The following PACSIN1 variants were observed in gnomAD, a reference collection of about 807,000 sequenced individuals.
PACSIN1 encodes protein kinase C and casein kinase substrate in neurons 1.
PACSIN1 carries 15 observed loss-of-function variants against 59.5 expected under a neutral mutation model. The observed-to-expected ratio is 0.25, with a 90% CI of 0.17 to 0.39. The LOEUF (loss-of-function observed/expected upper bound fraction) is 0.39. PACSIN1 is among the 10% of genes least tolerant of loss of function. PACSIN1 has a pLI of 1.00. For missense variants in PACSIN1, 420 were observed against 580.2 expected (o/e 0.72, Z 2.84); for synonymous variants, 210 against 220.6 (o/e 0.95, Z 0.42).
chr6:34,511,139 G>A (rs949094069), intron 1 of PACSIN1, among the ~76,000 whole-genome samples: 8 of 152,236 alleles, frequency 5.3e-5, no homozygotes, highest in African/African-American at 2.4e-5. Context: ...CCCTAGAGCA[G>A]TGCTGCACAT....
rs80231488 is a variant in PACSIN1, at chr6:34,516,129, T to C, written c.-63-10114T>C. Among the ~76,000 whole-genome samples the C allele has an allele frequency of 1.3e-5, 2 of 152,188 alleles. No homozygotes were observed. The highest frequency in any genetic ancestry group is 3.9e-4 in the East Asian group (2 of 5,172). ...AGGTCCTGCCCTTCTCCACCTGCTT[T>C]CTCTCCCGCACCCCCTGAGAGCCCA... is the stretch of plus-strand genomic sequence containing the variant. On this transcript the variant is annotated intron_variant, in intron 1 of 9. Coordinates refer to ENST00000244458, the MANE Select transcript of PACSIN1 (RefSeq NM_020804.5). The surrounding 1 kb of genome is among the most constrained non-coding windows in gnomAD (Gnocchi z 5.4).
At chr6:34,517,200 G>A (rs1193310010) in intron 1 of PACSIN1, among the ~76,000 whole-genome samples, 1 of 152,262 alleles carries the variant, frequency 6.6e-6, no homozygotes, top group East Asian at 1.9e-4. Context: ...GGCAGATCCT[G>A]TTGGCTGGAA....
intron 1 of PACSIN1, among the ~76,000 whole-genome samples, chr6:34,467,891 T>G (rs1766520121): frequency 6.6e-6 from 1 of 152,178 alleles, no homozygotes; most frequent in East Asian, 1.9e-4. Context: ...GATGGGCAGC[T>G]ATGCCTTTTG....
intron 1 of PACSIN1, among the ~76,000 whole-genome samples, chr6:34,489,975 G>C (rs928873389): frequency 7.2e-5 from 11 of 152,168 alleles, no homozygotes; most frequent in African/African-American, 2.7e-4. Context: ...AGTTGGATCT[G>C]AAACCTTACT....
chr6:34,466,590 G>A (rs1402463601), intron 1 of PACSIN1, among the ~76,000 whole-genome samples: 1 of 152,220 alleles, frequency 6.6e-6, no homozygotes, highest in East Asian at 1.9e-4. Context: ...GGCCCGGGCG[G>A]TCCGGGTCTC....
intron 1 of PACSIN1, among the ~76,000 whole-genome samples, chr6:34,482,720 C>T (rs1210490174): frequency 9.9e-5 from 15 of 150,792 alleles, no homozygotes; most frequent in African/African-American, 3.7e-4. Context: ...CACTCTGTTG[C>T]CCAGGCTGGA....
At chr6:34,499,121 T>C (rs1056816046) in intron 1 of PACSIN1, among the ~76,000 whole-genome samples, 1 of 152,088 alleles carries the variant, frequency 6.6e-6, no homozygotes, top group Non-Finnish European at 1.5e-5. Context: ...GAGCTTTTCC[T>C]ACAACTAGAC....
At chr6:34,490,070 CTT>C (rs1161999485) in intron 1 of PACSIN1, among the ~76,000 whole-genome samples, 1 of 144,538 alleles carries the variant, frequency 6.9e-6, no homozygotes, top group Non-Finnish European at 1.6e-5. Flanking sequence ...GATGTTCTCT[CTT>C]GTTTTTTTTT....
At chr6:34,468,277 C>T (rs895895307) in intron 1 of PACSIN1, among the ~76,000 whole-genome samples, 2 of 152,222 alleles carry the variant, frequency 1.3e-5, no homozygotes, top group South Asian at 2.1e-4. Flanking sequence ...TGAAGGACAT[C>T]AAGATTTCCA....
Position 34,522,801 on chromosome 6 carries a change from C to T in PACSIN1, c.-63-3442C>T, listed in dbSNP as rs562891092. ...TCAGGGGCTGCTCATGCAAAGTCCC[C>T]GAGTCCAAAGGCCACAGAACCTGGA... On this transcript the variant is annotated intron_variant, in intron 1 of 9. Coordinates refer to ENST00000244458, the MANE Select transcript of PACSIN1 (RefSeq NM_020804.5). Among the ~76,000 whole-genome samples, 40 of 152,298 alleles carry T rather than the reference C, an allele frequency of 2.6e-4. 1 individual carries two copies. Among genetic ancestry groups the T allele is most frequent in the African/African-American group, 7.5e-4 (31 of 41,570 alleles).
chr6:34,522,257 A>G (rs1767406760), intron 1 of PACSIN1, among the ~76,000 whole-genome samples: 1 of 152,236 alleles, frequency 6.6e-6, no homozygotes, highest in Admixed American at 6.5e-5. Flanking sequence ...ACTGTCTCAA[A>G]GGCCATGCGT....
At chr6:34,473,547 G>C (rs1766600442) in intron 1 of PACSIN1, among the ~76,000 whole-genome samples, 1 of 152,084 alleles carries the variant, frequency 6.6e-6, no homozygotes, top group Admixed American at 6.6e-5. Flanking sequence ...TGGGTTCCCG[G>C]GGTCTAGCCT....
intron 1 of PACSIN1, among the ~76,000 whole-genome samples, chr6:34,502,087 A>T (rs966651234): frequency 5.3e-5 from 8 of 150,654 alleles, no homozygotes; most frequent in African/African-American, 2.0e-4. Flanking sequence ...ACTTGCTGGG[A>T]TGGAGAAGTA....
chr6:34,495,941 G>T (rs1766941142), intron 1 of PACSIN1, among the ~76,000 whole-genome samples: 1 of 152,150 alleles, frequency 6.6e-6, no homozygotes, highest in South Asian at 2.1e-4. Context: ...GAGGTGTTAA[G>T]GTCTAACTCC....
intron 1 of PACSIN1, among the ~76,000 whole-genome samples, chr6:34,493,424 A>C (rs1331392283): frequency 6.6e-6 from 1 of 152,100 alleles, no homozygotes; most frequent in Non-Finnish European, 1.5e-5. Flanking sequence ...CTGCATGTAA[A>C]CCCAACGGTG....
intron 1 of PACSIN1, among the ~76,000 whole-genome samples, chr6:34,471,430 A>G (rs1258547245): frequency 6.6e-6 from 1 of 152,188 alleles, no homozygotes; most frequent in East Asian, 1.9e-4. Flanking sequence ...CAAATTTCCC[A>G]TCTGTTAACT....
chr6:34,534,687 G>A lies in PACSIN1; in HGVS notation c.*2157G>A, dbSNP rs1309140896. 1 of 152,740 alleles carries A rather than the reference G, an allele frequency of 6.5e-6. No homozygotes were observed. Among genetic ancestry groups the A allele is most frequent in the Non-Finnish European group, 1.5e-5 (1 of 68,140 alleles). 9.5% of individuals were successfully genotyped at this position (152,740 alleles called of 1,614,324 possible). ...ACTCTAGCTGCCCACTCCAGGGCAG[G>A]GACTCGAAACCCCCTCCGTCCTGAG... On this transcript the variant is annotated 3_prime_UTR_variant, in exon 10 of 10. Coordinates refer to ENST00000244458, the MANE Select transcript of PACSIN1 (RefSeq NM_020804.5).
intron 1 of PACSIN1, among the ~76,000 whole-genome samples, chr6:34,517,404 C>A (rs1325413101): frequency 1.3e-5 from 2 of 152,188 alleles, no homozygotes; most frequent in Non-Finnish European, 1.5e-5. Context: ...TCACATCCCA[C>A]CTCTTCCCAA....
intron 1 of PACSIN1, among the ~76,000 whole-genome samples, chr6:34,501,794 G>A (rs1449340282): frequency 6.6e-6 from 1 of 152,124 alleles, no homozygotes; most frequent in East Asian, 1.9e-4. Context: ...ACTTTGGGAG[G>A]CCGAGGAGGG....
Sources: allele counts gnomAD v4.1 joint callset (sites outside exome capture counted in the v4.1 genomes callset), GRCh38; gene constraint gnomAD v4.1.1; non-coding constraint Gnocchi (gnomAD v3.1); transcripts MANE v1.5; gene names NCBI Gene and HGNC (gene_info 2026-07-23, HGNC 2026-07-21).